Variants in RAD50 observed in about 807,000 individuals in gnomAD.
RAD50 encodes the protein RAD50 double strand break repair protein, also known as DNA repair protein RAD50.
A neutral mutation model predicts 168.8 loss-of-function variants in RAD50; 132 were observed. That is an observed-to-expected ratio of 0.78 (90% confidence interval 0.68 to 0.90). The LOEUF (loss-of-function observed/expected upper bound fraction) is 0.90. Ranked by LOEUF, RAD50 falls within the 40% of genes least tolerant of loss-of-function variation. The probability of loss-of-function intolerance (pLI) is 0.00; values close to 1 mark genes in which losing one functional copy is unlikely to be tolerated. For missense variants in RAD50, 1,347 were observed against 1,534.4 expected, an observed-to-expected ratio of 0.88 and a Z score of 2.04; for synonymous variants, 525 against 497.4, an observed-to-expected ratio of 1.06 and a Z score of -0.74.
At chr5:132,611,589 C>A (rs1485888877) in intron 19 of RAD50, among the ~76,000 whole-genome samples, 1 of 150,430 alleles carries the variant, frequency 6.6e-6, no homozygotes, top group African/African-American at 2.5e-5. Context: ...GCCTGTAGTC[C>A]CAGCTACTCA....
chr5:132,609,189 G>T lies in RAD50; in HGVS notation c.2902G>T (p.Gly968Trp), dbSNP rs2149849723. 6.2e-7 allele frequency: 1 copy of T among 1,611,564 alleles called. No homozygotes were observed. The change falls in exon 18 of 25, where the codon GGG becomes TGG. Residue 968 changes from glycine to tryptophan, a missense_variant. Gly to Trp is a radical substitution (Grantham distance 184). This residue lies in a region of RAD50 where 635 missense variants were observed against 739.2 expected (regional missense o/e 0.86). Transcript: ENST00000378823. ...MKDIENYIQD[G>W]KDDYKKQKET... The stretch of plus-strand genomic sequence containing the variant: ...AGACATTGAGAATTATATTCAAGAT[G>T]GGAAAGACGACTATAAGAAGGTAAT...
intron 19 of RAD50, among the ~76,000 whole-genome samples, chr5:132,614,231 A>G (rs538911822): frequency 4.6e-5 from 7 of 152,354 alleles, no homozygotes; most frequent in South Asian, 2.1e-4. Context: ...CTTTCATGCA[A>G]TTGTGAAAAC....
At chr5:132,623,244 C>T (rs541782132) in intron 21 of RAD50, among the ~76,000 whole-genome samples, 3 of 152,186 alleles carry the variant, frequency 2.0e-5, no homozygotes, top group African/African-American at 4.8e-5. Flanking sequence ...TTTGGGAGAC[C>T]GAGGTGGGCG....
intron 11 of RAD50, among the ~76,000 whole-genome samples, chr5:132,592,288 A>G (rs993831608): frequency 1.3e-5 from 2 of 152,230 alleles, no homozygotes; most frequent in Admixed American, 6.5e-5. Context: ...AATTTAGTTC[A>G]GTCCTAAAGA....
In RAD50 at chr5:132,595,911, GC is replaced by G. The variant is rs1253568790; in HGVS notation, c.2207+102del. Reference sequence around the variant, plus strand: ...GGTAGTTACTCAGTAAGGACTCTGAGCTGGTATGCCCTGTCTTATATCACTT... The same window carrying G: ...GGTAGTTACTCAGTAAGGACTCTGAGTGGTATGCCCTGTCTTATATCACTT... On this transcript the variant is annotated intron_variant, in intron 13 of 24. Coordinates refer to ENST00000378823, the MANE Select transcript of RAD50 (RefSeq NM_005732.4). 3 of 1,036,822 alleles carry G rather than the reference GC, an allele frequency of 2.9e-6. No individual in the cohort carries two copies. The African/African-American group carries it at 4.7e-5, about 16-fold the overall frequency. 64.2% of individuals were successfully genotyped at this position (1,036,822 alleles called of 1,614,324 possible). A position where few individuals can be genotyped will look rare whatever the true frequency, so the allele number is the denominator to read the frequency against.
chr5:132,627,375 A>G (rs1751389268), intron 21 of RAD50, among the ~76,000 whole-genome samples: 1 of 152,232 alleles, frequency 6.6e-6, no homozygotes. Flanking sequence ...GATACTAAGT[A>G]TATAAGGATG....
chr5:132,614,292 C>G (rs1751137509), intron 19 of RAD50, among the ~76,000 whole-genome samples: 1 of 152,272 alleles, frequency 6.6e-6, no homozygotes, highest in Admixed American at 6.5e-5. Context: ...AGCACATTCC[C>G]TTGTTCCTAA....
At position 132,579,351 on chromosome 5, in the gene RAD50, G is replaced by A. The variant is rs1245673892; in HGVS notation, c.400G>A (p.Ala134Thr). 1.9e-6 allele frequency: 3 copies of A among 1,613,960 alleles called. No individual in the cohort carries two copies. Among genetic ancestry groups the A allele is most frequent in the East Asian group, 2.2e-5 (1 of 44,852 alleles). The stretch of plus-strand genomic sequence containing the variant: ...AAAGGTCAGTCTGAGCTCTAAGTGT[G>A]CAGAAATTGACCGAGAAATGATCAG... ...GEKVSLSSKC[A>T]EIDREMISSL... Residue 134 changes from alanine (A) to threonine (T), a missense_variant, in exon 4 of 25, where the codon GCA (alanine) becomes ACA (threonine). By Grantham distance (58) the Ala-to-Thr change is moderately conservative. Coordinates refer to ENST00000378823, the MANE Select transcript of RAD50 (RefSeq NM_005732.4).
Position 132,603,221 on chromosome 5 carries a change from T to G in RAD50, c.2208-79T>G, listed in dbSNP as rs1317817069. 4 of 1,306,774 alleles carry G rather than the reference T, an allele frequency of 3.1e-6. No individual in the cohort carries two copies. In the African/African-American group the frequency reaches 6.0e-5, roughly 19 times the overall value. 80.9% of individuals were successfully genotyped at this position (1,306,774 alleles called of 1,614,324 possible). ...AGAACACAATGTCACTTCTGTGGTA[T>G]TCTTCCTAAAAATACATAACCTCAG... On this transcript the variant is annotated intron_variant, in intron 13 of 24. Transcript: ENST00000378823.
chr5:132,624,134 T>C (rs1751330904), intron 21 of RAD50, among the ~76,000 whole-genome samples: 1 of 152,216 alleles, frequency 6.6e-6, no homozygotes, highest in African/African-American at 2.4e-5. Flanking sequence ...CCCATTTCAT[T>C]GTGAGTGGGT....
chr5:132,592,125 G>A, intron 11 of RAD50, 91 bp downstream of exon 11: 1 of 1,374,108 alleles, frequency 7.3e-7, no homozygotes, highest in Non-Finnish European at 1.0e-6. Flanking sequence ...TCATGAAATG[G>A]TATGTTATAT....
At chr5:132,603,177 C>A in intron 13 of RAD50, 123 bp from the exon 14 acceptor site, 2 of 855,260 alleles carry the variant, frequency 2.3e-6, no homozygotes, top group Non-Finnish European at 3.7e-6. Flanking sequence ...TCCATATCCA[C>A]TGATATGATA....
At chr5:132,572,520 G>GTATATATGGAGTTTTTTA in intron 2 of RAD50, among the ~76,000 whole-genome samples, 1 of 152,008 alleles carries the variant, frequency 6.6e-6, no homozygotes, top group East Asian at 2.0e-4. Flanking sequence ...TACCGTGCCA[G>GTATATATGGAGTTTTTTA]CTAATGAAAA....
chr5:132,576,025 T>A, intron 3 of RAD50, 97 bp downstream of exon 3: 1 of 1,244,702 alleles, frequency 8.0e-7, no homozygotes, highest in Non-Finnish European at 1.1e-6. Flanking sequence ...GGGGAGCATA[T>A]TAAATTTTTT....
At chr5:132,624,005 T>C (rs1751327856) in intron 21 of RAD50, among the ~76,000 whole-genome samples, 1 of 152,362 alleles carries the variant, frequency 6.6e-6, no homozygotes, top group Non-Finnish European at 1.5e-5. Context: ...CTGTGAAATA[T>C]TGGGAGTGAG....
chr5:132,628,807 A>G (rs1405188057), intron 21 of RAD50, among the ~76,000 whole-genome samples: 1 of 151,986 alleles, frequency 6.6e-6, no homozygotes, highest in Non-Finnish European at 1.5e-5. Context: ...AGATCGTGCC[A>G]TTGTACTCCA....
chr5:132,582,418 T>G lies in RAD50; in HGVS notation c.756+2352T>G, dbSNP rs1051501747. On this transcript the variant is annotated intron_variant, in intron 5 of 24. Coordinates refer to ENST00000378823, the MANE Select transcript of RAD50 (RefSeq NM_005732.4). ...GACTTCCAAAGTCCTTTTTTTTAGCTCTGACATGTGAAGATTCTTCCCTTC... is the reference window on the plus strand; with the variant it reads ...GACTTCCAAAGTCCTTTTTTTTAGCGCTGACATGTGAAGATTCTTCCCTTC... Among the ~76,000 whole-genome samples the G allele has an allele frequency of 2.6e-5, 4 of 152,114 alleles. 1 individual carries two copies. The highest frequency in any genetic ancestry group is 5.9e-5 in the Non-Finnish European group (4 of 68,000).
rs1580997074 is a variant in RAD50, at chr5:132,595,698, A to G, written c.2095A>G (p.Ser699Gly). 6.2e-7 allele frequency: 1 copy of G among 1,613,826 alleles called. No individual in the cohort carries two copies. Among genetic ancestry groups the G allele is most frequent in the Non-Finnish European group, 8.5e-7 (1 of 1,179,722 alleles). The change falls in exon 13 of 25, where the codon AGT (serine) becomes GGT (glycine). Residue 699 changes from serine (S) to glycine (G), a missense_variant. Physicochemically the swap from Ser to Gly is moderately conservative, Grantham distance 56. Transcript: ENST00000378823. ...AGAGGCTGAGTTACAAGAAGTCATC[A>G]GTGATTTGCAGTCTAAACTGCGACT... ...QTEAELQEVI[S>G]DLQSKLRLAP...
At chr5:132,638,560 T>G (rs923234714) in intron 23 of RAD50, among the ~76,000 whole-genome samples, 1 of 152,194 alleles carries the variant, frequency 6.6e-6, no homozygotes, top group Non-Finnish European at 1.5e-5. Context: ...TACCACTATT[T>G]TATGTGCCAG....
Sources: allele counts gnomAD v4.1 joint callset (sites outside exome capture counted in the v4.1 genomes callset), GRCh38; gene constraint gnomAD v4.1.1; regional missense constraint gnomAD v4.1.1; transcripts MANE v1.5; gene names NCBI Gene and HGNC (gene_info 2026-07-23, HGNC 2026-07-21).